KLRF1: variants seen among roughly 807,000 people sequenced by gnomAD.
KLRF1 encodes the protein killer cell lectin-like receptor subfamily F member 1.
In KLRF1, 27 loss-of-function variants were observed where a neutral mutation model predicts 30.7. That is an observed-to-expected ratio of 0.88 (90% CI 0.65 to 1.21). The LOEUF is 1.21. Among genes scored for constraint, KLRF1 ranks in the 50% most tolerant of loss-of-function variants. The probability of loss-of-function intolerance (pLI) is 0.00; values close to 1 mark genes in which losing one functional copy is unlikely to be tolerated. For missense variants in KLRF1, 246 were observed against 259.3 expected (o/e 0.95, Z 0.35); for synonymous variants, 92 against 89.3 (o/e 1.03, Z -0.17).
chr12:9,829,866 T>A (rs948120211), intron 1 of KLRF1, among the ~76,000 whole-genome samples: 1 of 152,244 alleles, frequency 6.6e-6, no homozygotes, highest in African/African-American at 2.4e-5. Context: ...ATTTCTATAT[T>A]TCCAGTGTTT....
At chr12:9,807,607 TC>T in the KLRF1 span, among the ~76,000 whole-genome samples, 61 of 152,294 alleles carry the variant, frequency 4.0e-4, no homozygotes, top group African/African-American at 1.5e-3. Context: ...AATTATACTA[TC>T]TTATATACTT....
intron 3 of KLRF1, among the ~76,000 whole-genome samples, chr12:9,836,451 A>T (rs1289443043): frequency 6.6e-6 from 1 of 152,052 alleles, no homozygotes; most frequent in African/African-American, 2.4e-5. Context: ...CTTAGAGTGG[A>T]TAGGTGATCT....
chr12:9,820,416 C>G, the KLRF1 span, among the ~76,000 whole-genome samples: 2 of 152,188 alleles, frequency 1.3e-5, no homozygotes, highest in East Asian at 3.9e-4. Context: ...CCAGCCACCC[C>G]CTGCTGTGGC....
upstream of KLRF1, among the ~76,000 whole-genome samples, chr12:9,823,908 T>C (rs141764395): frequency 2.6e-5 from 4 of 152,210 alleles, no homozygotes; most frequent in Non-Finnish European, 5.9e-5. Context: ...CCTGGACACA[T>C]ACAGCCTCCC....
At chr12:9,804,988 C>G in the KLRF1 span, among the ~76,000 whole-genome samples, 1 of 151,716 alleles carries the variant, frequency 6.6e-6, no homozygotes, top group Non-Finnish European at 1.5e-5. Context: ...TTGTGTAATA[C>G]TTTTTGTGTA....
chr12:9,801,269 C>T, the KLRF1 span, among the ~76,000 whole-genome samples: 3 of 151,928 alleles, frequency 2.0e-5, no homozygotes, highest in Admixed American at 2.0e-4. Context: ...TGGGTTGGTT[C>T]CATATCTTTG....
At position 9,835,605 on chromosome 12, in the gene KLRF1, T is replaced by C. The variant is rs976382076; in HGVS notation, c.334+2153T>C. On this transcript the variant is annotated intron_variant, in intron 3 of 5. Coordinates refer to ENST00000617889, the MANE Select transcript of KLRF1 (RefSeq NM_016523.3). ...AATAATTACTGCTAATATTTTTAAG[T>C]TTGCCAGTATTGATAGAGGGCTTTT... is the stretch of plus-strand genomic sequence containing the variant. Among the ~76,000 whole-genome samples the C allele has an allele frequency of 1.3e-5, 2 of 152,046 alleles. 1 individual carries two copies. Among genetic ancestry groups the C allele is most frequent in the Admixed American group, 1.3e-4 (2 of 15,266 alleles).
intron 3 of KLRF1, among the ~76,000 whole-genome samples, chr12:9,837,696 C>T (rs1386242957): frequency 6.6e-6 from 1 of 152,156 alleles, no homozygotes; most frequent in Non-Finnish European, 1.5e-5. Flanking sequence ...ACACATTCAA[C>T]TTAACTTTTA....
chr12:9,830,122 T>C (rs1867377566), intron 1 of KLRF1, among the ~76,000 whole-genome samples: 3 of 152,192 alleles, frequency 2.0e-5, no homozygotes, highest in African/African-American at 7.2e-5. Context: ...TTGTATTGGG[T>C]TGGGACACTT....
Position 9,841,961 on chromosome 12 carries a change from C to T in KLRF1, c.474+10C>T, listed in dbSNP as rs1199635124. On this transcript the variant is annotated intron_variant, in intron 4 of 5. Coordinates refer to ENST00000617889, the MANE Select transcript of KLRF1 (RefSeq NM_016523.3). Reference sequence around the variant, plus strand: ...TGACCAACTTGAAATGGTAATTGGTCTAGTATCAGGGTTATGGCATCTTTG... The same window carrying T: ...TGACCAACTTGAAATGGTAATTGGTTTAGTATCAGGGTTATGGCATCTTTG... 2.1e-5 allele frequency: 33 copies of T among 1,607,652 alleles called. No homozygotes were observed. The highest frequency in any genetic ancestry group is 2.5e-5 in the Non-Finnish European group (29 of 1,176,884).
At chr12:9,821,756 C>T in the KLRF1 span, among the ~76,000 whole-genome samples, 1 of 152,162 alleles carries the variant, frequency 6.6e-6, no homozygotes, top group African/African-American at 2.4e-5. Flanking sequence ...GGAGAGGATC[C>T]CAAACTTTCA....
the KLRF1 span, among the ~76,000 whole-genome samples, chr12:9,804,008 A>C: frequency 6.6e-6 from 1 of 151,824 alleles, no homozygotes; most frequent in African/African-American, 2.4e-5. Flanking sequence ...AGGCATTGCC[A>C]AACTGTTTAC....
At position 9,832,427 on chromosome 12, in the gene KLRF1, G is replaced by A. The variant is rs1385378518; in HGVS notation, c.184+13G>A. 1 of 1,364,976 alleles carries A rather than the reference G, an allele frequency of 7.3e-7. No homozygotes were observed. Among genetic ancestry groups the A allele is most frequent in the Admixed American group, 1.8e-5 (1 of 55,056 alleles). 84.6% of individuals were successfully genotyped at this position (1,364,976 alleles called of 1,614,324 possible). ...TTGATCCTGTTGGGTAAGTTTAGAA[G>A]ATCTTAATTAAATAAAAATATGAAA... On this transcript the variant is annotated intron_variant, in intron 2 of 5. Transcript: ENST00000617889.
At chr12:9,800,552 GAAC>G in the KLRF1 span, among the ~76,000 whole-genome samples, 1 of 151,954 alleles carries the variant, frequency 6.6e-6, no homozygotes, top group African/African-American at 2.4e-5. Flanking sequence ...TTATAAGTGA[GAAC>G]ATATAGTAAT....
chr12:9,825,303 A>G (rs1394920174), upstream of KLRF1, among the ~76,000 whole-genome samples: 1 of 151,284 alleles, frequency 6.6e-6, no homozygotes, highest in Non-Finnish European at 1.5e-5. Flanking sequence ...TTGGAACACA[A>G]TGGTCTAATG....
At chr12:9,841,178 G>T (rs1260507665) in intron 3 of KLRF1, among the ~76,000 whole-genome samples, 1 of 152,066 alleles carries the variant, frequency 6.6e-6, no homozygotes, top group Non-Finnish European at 1.5e-5. Context: ...GGATGGAGCT[G>T]GAGGCTATTA....
the KLRF1 span, chr12:9,817,915 G>T: frequency 5.0e-6 from 1 of 199,976 alleles, no homozygotes; most frequent in South Asian, 1.3e-4. Flanking sequence ...CATGCTGGCA[G>T]ACAGCAGCCT....
At chr12:9,836,414 T>G (rs1167869103) in intron 3 of KLRF1, among the ~76,000 whole-genome samples, 1 of 152,094 alleles carries the variant, frequency 6.6e-6, no homozygotes, top group Non-Finnish European at 1.5e-5. Flanking sequence ...CTTGGTGCTA[T>G]CCCCAAACCG....
Position 9,832,933 on chromosome 12 carries a change from G to A in KLRF1, c.185-370G>A, listed in dbSNP as rs374971222. On this transcript the variant is annotated intron_variant, in intron 2 of 5. Coordinates refer to ENST00000617889, the MANE Select transcript of KLRF1 (RefSeq NM_016523.3). ...GGAATGTGATATTCTAGTGGGAGAAGCAGGTACTAAGTAATTATGGTACAA... is the reference window on the plus strand; with the variant it reads ...GGAATGTGATATTCTAGTGGGAGAAACAGGTACTAAGTAATTATGGTACAA... Among the ~76,000 whole-genome samples the A allele has an allele frequency of 9.2e-5, 14 of 152,184 alleles. No individual in the cohort carries two copies. The East Asian group carries it at 2.5e-3, about 27-fold the overall frequency.
Sources: gnomAD v4.1 joint callset for allele counts (sites outside exome capture counted in the v4.1 genomes callset) on GRCh38, gnomAD v4.1.1 for gene constraint, MANE v1.5 for transcripts, NCBI Gene and HGNC (gene_info 2026-07-23, HGNC 2026-07-21) for gene names.